FLT4: variants seen among roughly 807,000 people sequenced by gnomAD.
FLT4 encodes fms related receptor tyrosine kinase 4, also known as vascular endothelial growth factor receptor 3.
In FLT4, 30 loss-of-function variants were observed where a neutral mutation model predicts 163.2. The observed-to-expected ratio is 0.18, with a 90% confidence interval of 0.14 to 0.25. FLT4 has a LOEUF of 0.25. Ranked by LOEUF, FLT4 falls within the 10% of genes least tolerant of loss-of-function variation. The pLI is 1.00. For missense variants in FLT4, 1,510 were observed against 1,863.8 expected, an observed-to-expected ratio of 0.81 and a Z score of 3.50; for synonymous variants, 884 against 789.5, an observed-to-expected ratio of 1.12 and a Z score of -2.01.
chr5:180,628,242 G>A (rs1190467867), intron 8 of FLT4, among the ~76,000 whole-genome samples: 3 of 152,162 alleles, frequency 2.0e-5, no homozygotes, highest in Non-Finnish European at 4.4e-5. Flanking sequence ...TGACTCAGAC[G>A]GCCTGAGGAC....
rs939532402 is a variant in FLT4, at chr5:180,601,806, A to G, written c.*1386T>C. 15 of 232,962 alleles carry G rather than the reference A, an allele frequency of 6.4e-5. No homozygotes were observed. Among genetic ancestry groups the G allele is most frequent in the African/African-American group, 3.3e-4 (15 of 45,382 alleles). 14.4% of individuals were successfully genotyped at this position (232,962 alleles called of 1,614,324 possible). On this transcript the variant is annotated 3_prime_UTR_variant, in exon 30 of 30. Transcript: ENST00000261937. ...ATGACCTTATACGTGCACTCGGCATATCCTGGAGTAACGCGCAGTGGGGGA... is the reference window on the plus strand; with the variant it reads ...ATGACCTTATACGTGCACTCGGCATGTCCTGGAGTAACGCGCAGTGGGGGA...
chr5:180,624,184 G>C, intron 10 of FLT4, 123 bp from the exon 11 acceptor site: 1 of 1,123,286 alleles, frequency 8.9e-7, no homozygotes. Context: ...GGGCGAGGCT[G>C]GCCCTCGGGC....
Position 180,630,252 on chromosome 5 carries a change from G to A in FLT4, c.486C>T (p.Ile162=), listed in dbSNP as rs768942912. The A allele has an allele frequency of 1.9e-6, 3 of 1,612,528 alleles. No homozygotes were observed. The highest frequency in any genetic ancestry group is 2.5e-6 in the Non-Finnish European group (3 of 1,179,834). ...AGCGCAGCGTGACATTGAGGCCGGG[G>A]ATGGACACCAGACAGGGCACCCACA... ...DAMWVPCLVS[I]PGLNVTLRSQ... The change falls in exon 4 of 30, where the codon ATC becomes ATT. Residue 162 remains isoleucine (I), a synonymous_variant. Coordinates refer to ENST00000261937, the MANE Select transcript of FLT4 (RefSeq NM_182925.5). The surrounding 1 kb of genome is among the most constrained non-coding windows in gnomAD (Gnocchi z 6.3).
At position 180,611,377 on chromosome 5, in the gene FLT4, C is replaced by A. The variant is rs935819804; in HGVS notation, c.3640G>T (p.Ala1214Ser). The change falls in exon 27 of 30, where the codon GCT becomes TCT. Residue 1214 changes from alanine to serine, a missense_variant. Coordinates refer to ENST00000261937, the MANE Select transcript of FLT4 (RefSeq NM_182925.5). The part of the protein sequence containing the change: ...TMALHIAQAD[A>S]EDSPPSLQRH... ...TGCAGGCTTGGCGGGCTGTCCTCAG[C>A]GTCAGCCTGGGCGATGTGTAGGGCC... The A allele has an allele frequency of 6.2e-7, 1 of 1,613,978 alleles. No individual in the cohort carries two copies. Among genetic ancestry groups the A allele is most frequent in the Admixed American group, 1.7e-5 (1 of 60,032 alleles).
chr5:180,606,906 A>AG (rs1561687636), intron 29 of FLT4, among the ~76,000 whole-genome samples: 2 of 105,720 alleles, frequency 1.9e-5, no homozygotes, highest in Non-Finnish European at 4.3e-5. Context: ...AAAAAAAAAA[A>AG]AAAAAAAAAC....
At position 180,624,024 on chromosome 5, in the gene FLT4, G is replaced by A. The variant is rs769840412; in HGVS notation, c.1459C>T (p.Arg487Cys). 24 of 1,613,172 alleles carry A rather than the reference G, an allele frequency of 1.5e-5. No individual in the cohort carries two copies. The highest frequency in any genetic ancestry group is 6.7e-5 in the Admixed American group (4 of 59,994). Residue 487 changes from arginine (R) to cysteine (C), a missense_variant, in exon 11 of 30, where the codon CGT (arginine) becomes TGT (cysteine). Arg to Cys is a radical substitution (Grantham distance 180). Transcript: ENST00000261937. ...TGCGTGGTCACCGCCCTCCAGTCAC[G>A]GCACTGTGGCATGAGGTCTTGCTGC... ...RQQQDLMPQCRDWRAVTTQDA... is the reference protein window; with the variant it reads ...RQQQDLMPQCCDWRAVTTQDA...
chr5:180,646,703 T>C (rs1465707592), intron 1 of FLT4, among the ~76,000 whole-genome samples: 2 of 152,164 alleles, frequency 1.3e-5, no homozygotes, highest in Admixed American at 1.3e-4. Context: ...TGGGGCCAGG[T>C]CCAAGTCCTC....
intron 1 of FLT4, among the ~76,000 whole-genome samples, chr5:180,634,905 GAAGT>G (rs1764460890): frequency 1.2e-5 from 1 of 84,692 alleles, no homozygotes; most frequent in African/African-American, 4.3e-5. Context: ...TGGATGGATG[GAAGT>G]ATGGGTGGAT....
chr5:180,634,866 ATGGG>A (rs1295611373), intron 1 of FLT4, among the ~76,000 whole-genome samples: 2 of 53,054 alleles, frequency 3.8e-5, no homozygotes, highest in Non-Finnish European at 7.4e-5. Flanking sequence ...GTATGGGTGG[ATGGG>A]TGGGTGGGTG....
chr5:180,610,486 G>C (rs1476085446), intron 27 of FLT4, among the ~76,000 whole-genome samples: 1 of 152,254 alleles, frequency 6.6e-6, no homozygotes, highest in Non-Finnish European at 1.5e-5. Context: ...CGTATGCTAG[G>C]GCAGAGGGAC....
At chr5:180,609,427 G>T (rs1411762408) in intron 28 of FLT4, 2 of 410,204 alleles carry the variant, frequency 4.9e-6, no homozygotes, top group East Asian at 8.9e-5. Flanking sequence ...CTCCCGGTTT[G>T]GGGGGCTTTG....
Position 180,631,744 on chromosome 5 carries a change from G to A in FLT4, c.93C>T (p.Thr31=), listed in dbSNP as rs759388378. 17 of 1,610,576 alleles carry A rather than the reference G, an allele frequency of 1.1e-5. No individual in the cohort carries two copies. Among genetic ancestry groups the A allele is most frequent in the Admixed American group, 8.3e-5 (5 of 59,998 alleles). ...CGTGTGACTCCTCCGTGATGTTCAA[G>A]GTCGGGGGGGTCATGGAGTAGCCAC... is the stretch of plus-strand genomic sequence containing the variant. The part of the protein sequence containing the change: ...LVSGYSMTPP[T]LNITEESHVI... Residue 31 remains threonine (T), a synonymous_variant, in exon 2 of 30, where the codon ACC becomes ACT. Transcript: ENST00000261937.
chr5:180,629,883 C>G (rs756059949), intron 5 of FLT4, 48 bp from the exon 6 acceptor site: 3 of 1,612,616 alleles, frequency 1.9e-6, no homozygotes, highest in South Asian at 1.1e-5. Flanking sequence ...GGACGACACC[C>G]ACTGAGGCCA....
intron 21 of FLT4, among the ~76,000 whole-genome samples, chr5:180,617,519 G>A (rs879595933): frequency 0.015 from 3 of 196 alleles, no homozygotes; most frequent in Admixed American, 0.031. Flanking sequence ...GGACACCCAC[G>A]TCCTACTCCA....
At position 180,620,617 on chromosome 5, in the gene FLT4, T is replaced by C; in HGVS notation, c.2398A>G (p.Met800Val). The stretch of plus-strand genomic sequence containing the variant: ...CGGGGAGGGACACTCACCCTCCTCA[T>C]GTTACAGAAGATGAGGAGGAGGAGG... ...WVLLLLIFCN[M>V]RRPAHADIKT... Residue 800 changes from methionine (M) to valine (V), a missense_variant, in exon 16 of 30, where the codon ATG becomes GTG. Transcript: ENST00000261937. The surrounding 1 kb of genome is among the most constrained non-coding windows in gnomAD (Gnocchi z 4.4). 1.2e-6 allele frequency: 2 copies of C among 1,609,836 alleles called. No homozygotes were observed. The highest frequency in any genetic ancestry group is 1.1e-5 in the South Asian group (1 of 91,010).
At position 180,611,399 on chromosome 5, in the gene FLT4, G is replaced by A. The variant is rs756572775; in HGVS notation, c.3618C>T (p.Ala1206=). The A allele has an allele frequency of 1.2e-6, 2 of 1,613,934 alleles. No homozygotes were observed. Among genetic ancestry groups the A allele is most frequent in the South Asian group, 2.2e-5 (2 of 91,078 alleles). Residue 1206 remains alanine, a synonymous_variant, in exon 27 of 30, where the codon GCC becomes GCT. Transcript: ENST00000261937. Reference sequence around the variant, plus strand: ...CAGCGTCAGCCTGGGCGATGTGTAGGGCCATGGTGGACACCTGCGAGAAGC... The same window carrying A: ...CAGCGTCAGCCTGGGCGATGTGTAGAGCCATGGTGGACACCTGCGAGAAGC... ...EGSFSQVSTM[A]LHIAQADAED...
chr5:180,628,853 C>T (rs772107969), intron 8 of FLT4, 29 bp downstream of exon 8: 22 of 1,465,452 alleles, frequency 1.5e-5, no homozygotes, highest in South Asian at 2.3e-5. Flanking sequence ...AGGGTATCGG[C>T]GGGGTCGGTG....
At chr5:180,649,340 C>G (rs1765636391) in intron 1 of FLT4, 148 bp downstream of exon 1, 6 of 494,484 alleles carry the variant, frequency 1.2e-5, no homozygotes, top group Non-Finnish European at 1.9e-5. Context: ...GCCCCAAGCG[C>G]CGTGCTCCCC....
intron 27 of FLT4, among the ~76,000 whole-genome samples, chr5:180,610,405 C>T (rs944191760): frequency 5.3e-5 from 8 of 152,214 alleles, no homozygotes; most frequent in African/African-American, 9.6e-5. Context: ...CTAAGGCACA[C>T]GTTGAGGGGT....
Sources: allele counts gnomAD v4.1 joint callset (sites outside exome capture counted in the v4.1 genomes callset), GRCh38; gene constraint gnomAD v4.1.1; non-coding constraint Gnocchi (gnomAD v3.1); transcripts MANE v1.5; gene names NCBI Gene and HGNC (gene_info 2026-07-23, HGNC 2026-07-21).